Variants in COLEC12 observed in about 807,000 individuals in gnomAD.
The protein encoded by COLEC12 is collectin-12.
In COLEC12, 33 loss-of-function variants were observed where a neutral mutation model predicts 71.1. That is an observed-to-expected ratio of 0.46 (90% CI 0.35 to 0.62). The LOEUF (loss-of-function observed/expected upper bound fraction) is 0.62, where lower values mean the gene tolerates loss of function less well. COLEC12 is among the 20% of genes least tolerant of loss of function. The probability of loss-of-function intolerance (pLI) is 0.00; values close to 1 mark genes in which losing one functional copy is unlikely to be tolerated. For synonymous variants in COLEC12, 350 were observed against 353.0 expected (o/e 0.99, Z 0.10); for missense variants, 765 against 916.1 (o/e 0.84, Z 2.13).
intron 5 of COLEC12, among the ~76,000 whole-genome samples, chr18:341,222 T>C (rs551833807): frequency 1.2e-4 from 19 of 152,336 alleles, no homozygotes; most frequent in African/African-American, 4.6e-4. Context: ...GGTGGAAGCA[T>C]GAATTTGCAA....
chr18:498,363 C>CT lies in COLEC12; in HGVS notation c.7+2144dup, dbSNP rs542727500. ...AAAACTCTCATGGAATATTTTTTTT[C>CT]TTTTTTTTTTTTTTAGACGGAGTCT... On this transcript the variant is annotated intron_variant, in intron 1 of 9. Transcript: ENST00000400256. 1.1e-3 allele frequency among the ~76,000 whole-genome samples: 109 copies of CT among 100,706 alleles called. 1 individual carries two copies. The highest frequency in any genetic ancestry group is 5.7e-3 in the Middle Eastern group (1 of 174). 66.1% of individuals were successfully genotyped at this position (100,706 alleles called of 152,430 possible).
chr18:492,167 G>T (rs563936785), intron 1 of COLEC12, among the ~76,000 whole-genome samples: 2 of 152,234 alleles, frequency 1.3e-5, no homozygotes, highest in South Asian at 4.1e-4. Flanking sequence ...AATTTGTTTT[G>T]CAACAATGGG....
intron 2 of COLEC12, among the ~76,000 whole-genome samples, chr18:457,534 T>C (rs1916897142): frequency 6.6e-6 from 1 of 152,186 alleles, no homozygotes; most frequent in African/African-American, 2.4e-5. Flanking sequence ...TCATGTTGAT[T>C]AGAGCTTCCC....
intron 5 of COLEC12, among the ~76,000 whole-genome samples, chr18:339,837 TC>T (rs1189123829): frequency 1.3e-5 from 2 of 151,950 alleles, no homozygotes; most frequent in Non-Finnish European, 2.9e-5. Context: ...TTTAAAAAAA[TC>T]ATTGAGAAGA....
intron 2 of COLEC12, among the ~76,000 whole-genome samples, chr18:434,690 T>C (rs1392876369): frequency 1.3e-5 from 2 of 152,238 alleles, no homozygotes; most frequent in Admixed American, 6.5e-5. Flanking sequence ...ATCACTTCCC[T>C]GGTCATAGTG....
At chr18:422,914 C>A (rs1916126072) in intron 2 of COLEC12, among the ~76,000 whole-genome samples, 1 of 152,134 alleles carries the variant, frequency 6.6e-6, no homozygotes, top group Non-Finnish European at 1.5e-5. Flanking sequence ...ACAACTGGAC[C>A]CACAGCCAGC....
chr18:495,275 G>A (rs1002966345), intron 1 of COLEC12, among the ~76,000 whole-genome samples: 1 of 152,176 alleles, frequency 6.6e-6, no homozygotes, highest in South Asian at 2.1e-4. Context: ...CAGCAGTAAA[G>A]AATGAACCTT....
At chr18:483,399 C>CAA (rs71174236) in intron 1 of COLEC12, among the ~76,000 whole-genome samples, 907 of 81,334 alleles carry the variant, frequency 0.011, 18 homozygotes, top group African/African-American at 0.039. Flanking sequence ...GACTCCGTCT[C>CAA]AAAAAAAAAA....
At chr18:325,269 G>T (rs1913808462) in intron 8 of COLEC12, among the ~76,000 whole-genome samples, 1 of 152,110 alleles carries the variant, frequency 6.6e-6, no homozygotes, top group African/African-American at 2.4e-5. Context: ...AGACAGAAAG[G>T]CACCACATTT....
chr18:334,715 CT>C, intron 6 of COLEC12, 26 bp downstream of exon 6: 1 of 1,454,376 alleles, frequency 6.9e-7, no homozygotes, highest in Non-Finnish European at 9.0e-7. Context: ...CCCTGTCCCC[CT>C]GGCTGGAGGG....
In COLEC12 at chr18:408,989, C is replaced by T. The variant is rs190880736; in HGVS notation, c.59-51467G>A. ...CTGGTATTACAGGCACATACCACCA[C>T]GCCTAGCTAAATTTTGTATTTTTTT... On this transcript the variant is annotated intron_variant, in intron 2 of 9. Transcript: ENST00000400256. This position sits in a 1 kb window ranked among gnomAD's most constrained non-coding sequence, Gnocchi z 4.3. Among the ~76,000 whole-genome samples the T allele has an allele frequency of 4.5e-3, 678 of 152,076 alleles. 7 individuals are homozygous for T. Among genetic ancestry groups the T allele is most frequent in the African/African-American group, 0.015 (633 of 41,444 alleles).
intron 2 of COLEC12, among the ~76,000 whole-genome samples, chr18:468,216 C>G (rs1179272852): frequency 1.3e-5 from 2 of 148,948 alleles, no homozygotes; most frequent in African/African-American, 5.0e-5. Context: ...GAGCCGAGAT[C>G]GCACCATTGC....
chr18:455,209 T>C (rs989929540), intron 2 of COLEC12, among the ~76,000 whole-genome samples: 5 of 152,144 alleles, frequency 3.3e-5, no homozygotes, highest in East Asian at 1.9e-4. Context: ...ATGAAAGGCA[T>C]TGTGATGCTA....
intron 2 of COLEC12, among the ~76,000 whole-genome samples, chr18:393,826 C>T (rs1915513797): frequency 6.6e-6 from 1 of 152,202 alleles, no homozygotes; most frequent in South Asian, 2.1e-4. Flanking sequence ...TTTGTATCCT[C>T]AGTTCCAGAT....
intron 2 of COLEC12, among the ~76,000 whole-genome samples, chr18:441,083 C>T (rs1253450151): frequency 3.2e-5 from 2 of 62,132 alleles, no homozygotes; most frequent in Non-Finnish European, 7.3e-5. Flanking sequence ...CCTGTCTCTA[C>T]TAAAAATACA....
chr18:410,793 A>G (rs1257523495), intron 2 of COLEC12, among the ~76,000 whole-genome samples: 4 of 152,208 alleles, frequency 2.6e-5, no homozygotes, highest in Non-Finnish European at 5.9e-5. Flanking sequence ...ACAGACAAAA[A>G]AAAAATATCC....
In COLEC12 at chr18:321,747, A is replaced by G. The variant is rs749615331; in HGVS notation, c.2124T>C (p.Cys708=). 3 of 1,614,240 alleles carry G rather than the reference A, an allele frequency of 1.9e-6. No homozygotes were observed. The East Asian group carries it at 6.7e-5, about 36-fold the overall frequency. Residue 708 remains cysteine, a synonymous_variant, in exon 9 of 10, where the codon TGT becomes TGC. Transcript: ENST00000400256. ...WGHGHGPGED[C]AGLIYAGQWN... ...ACTGCCCAGCATAAATCAACCCAGC[A>G]CAGTCTTCTCCTGGCCCATGGCCAT...
At chr18:380,640 C>T (rs1187293437) in intron 2 of COLEC12, among the ~76,000 whole-genome samples, 1 of 152,160 alleles carries the variant, frequency 6.6e-6, no homozygotes, top group African/African-American at 2.4e-5. Flanking sequence ...ATGTCTTCTC[C>T]TGCATCTCTA....
At chr18:471,488 A>G (rs1238599017) in intron 2 of COLEC12, among the ~76,000 whole-genome samples, 1 of 151,788 alleles carries the variant, frequency 6.6e-6, no homozygotes, top group Non-Finnish European at 1.5e-5. Flanking sequence ...TTCTCTTTTT[A>G]TAAACTGTCA....
Sources: allele counts gnomAD v4.1 joint callset (sites outside exome capture counted in the v4.1 genomes callset), GRCh38; gene constraint gnomAD v4.1.1; non-coding constraint Gnocchi (gnomAD v3.1); transcripts MANE v1.5; gene names NCBI Gene and HGNC (gene_info 2026-07-23, HGNC 2026-07-21).